Variants in RBM39 observed in about 807,000 individuals in gnomAD.
RBM39 encodes the protein RNA-binding protein 39.
In RBM39, 12 loss-of-function variants were observed where a neutral mutation model predicts 79.6. The observed-to-expected ratio is 0.15, with a 90% CI of 0.10 to 0.24. The LOEUF is 0.24. RBM39 is among the 10% of genes least tolerant of loss of function. The probability of loss-of-function intolerance (pLI) is 1.00; values close to 1 mark genes in which losing one functional copy is unlikely to be tolerated. For synonymous variants in RBM39, 185 were observed against 208.4 expected, an observed-to-expected ratio of 0.89 and a Z score of 0.97; for missense variants, 243 against 653.4, an observed-to-expected ratio of 0.37 and a Z score of 6.85.
chr20:35,731,883 G>C, intron 4 of RBM39, 58 bp downstream of exon 4: 4 of 1,423,178 alleles, frequency 2.8e-6, no homozygotes, highest in Non-Finnish European at 3.9e-6. Context: ...AAGTTAAACT[G>C]CCATCTGAAT....
intron 12 of RBM39, among the ~76,000 whole-genome samples, chr20:35,710,939 T>C (rs1170049749): frequency 3.3e-5 from 5 of 152,108 alleles, no homozygotes; most frequent in African/African-American, 1.2e-4. Flanking sequence ...TATGGAGCTT[T>C]AGGATTTTAG....
intron 3 of RBM39, chr20:35,735,089 A>G (rs2039767522): frequency 1.9e-6 from 3 of 1,545,408 alleles, no homozygotes; most frequent in Non-Finnish European, 1.7e-6. Context: ...ATTCTGGAAA[A>G]TAAGAAAAAA....
At position 35,702,958 on chromosome 20, in the gene RBM39, C is replaced by G. The variant is rs1379674860; in HGVS notation, c.*1523G>C. 6.6e-6 allele frequency: 1 copy of G among 151,940 alleles called. No homozygotes were observed. The highest frequency in any genetic ancestry group is 2.4e-5 in the African/African-American group (1 of 41,352). 9.4% of individuals were successfully genotyped at this position (151,940 alleles called of 1,614,324 possible). The stretch of plus-strand genomic sequence containing the variant: ...GGGAGTTTCCATACAAATTAAATCA[C>G]TAGAACAATTATTGGGATAAATGTC... On this transcript the variant is annotated 3_prime_UTR_variant, in exon 17 of 17. Transcript: ENST00000253363.
rs201077212 is a variant in RBM39, at chr20:35,719,790, CATG to C, written c.825+1947_825+1949del. ...ATGGTACACAGATTTCTCAAATATCCATGATTATTCTTTTTCTTTTCTTTCGGA... is the reference window on the plus strand; with the variant it reads ...ATGGTACACAGATTTCTCAAATATCCATTATTCTTTTTCTTTTCTTTCGGA... On this transcript the variant is annotated intron_variant, in intron 9 of 16. Transcript: ENST00000253363. Among the ~76,000 whole-genome samples, 2 of 152,042 alleles carry C rather than the reference CATG, an allele frequency of 1.3e-5. 1 individual carries two copies. Among genetic ancestry groups the C allele is most frequent in the East Asian group, 3.9e-4 (2 of 5,192 alleles).
At position 35,734,595 on chromosome 20, in the gene RBM39, T is replaced by C. The variant is rs184576294; in HGVS notation, c.102-2460A>G. The C allele has an allele frequency of 5.6e-3, 1,512 of 270,578 alleles. 12 individuals carry two copies. Among genetic ancestry groups the C allele is most frequent in the Middle Eastern group, 0.018 (14 of 770 alleles). The allele number at this position is 270,578 out of a possible 1,614,324, so 16.8% of individuals were successfully genotyped here. A position where few individuals can be genotyped will look rare whatever the true frequency, so the allele number is the denominator to read the frequency against. ...AGGCAACCAACCTATTTACCTCTCATAGGACCCAAAACTTATTCTGCCAAA... is the reference window on the plus strand; with the variant it reads ...AGGCAACCAACCTATTTACCTCTCACAGGACCCAAAACTTATTCTGCCAAA... On this transcript the variant is annotated intron_variant, in intron 3 of 16. Transcript: ENST00000253363.
intron 9 of RBM39, among the ~76,000 whole-genome samples, chr20:35,720,991 C>G (rs1373676128): frequency 6.6e-6 from 1 of 152,194 alleles, no homozygotes; most frequent in Non-Finnish European, 1.5e-5. Flanking sequence ...GGCTGGAGTG[C>G]AGTGGTGCCA....
chr20:35,719,093 T>G (rs937156110), intron 9 of RBM39, among the ~76,000 whole-genome samples: 1 of 152,192 alleles, frequency 6.6e-6, no homozygotes, highest in Non-Finnish European at 1.5e-5. Flanking sequence ...AAACTACATA[T>G]ACCCCATGAA....
At chr20:35,707,877 C>G (rs1276698473) in intron 13 of RBM39, 1 of 465,406 alleles carries the variant, frequency 2.1e-6, no homozygotes, top group Non-Finnish European at 4.4e-6. Context: ...TTTTCCAAGA[C>G]AGTTGCTCCA....
At chr20:35,726,963 T>C (rs1198749697) in intron 6 of RBM39, among the ~76,000 whole-genome samples, 1 of 151,898 alleles carries the variant, frequency 6.6e-6, no homozygotes, top group East Asian at 1.9e-4. Flanking sequence ...TAACTGGGAT[T>C]ACACGCACGC....
In RBM39 at chr20:35,716,725, A is replaced by C; in HGVS notation, c.891+15T>G. ...AAAAAAAACCCTAAGTAATATAATT[A>C]TGGTAATTACTTACTGTAATAAATC... On this transcript the variant is annotated intron_variant, in intron 10 of 16. Coordinates refer to ENST00000253363, the MANE Select transcript of RBM39 (RefSeq NM_184234.3). 2 of 1,485,898 alleles carry C rather than the reference A, an allele frequency of 1.3e-6. No individual in the cohort carries two copies. Among genetic ancestry groups the C allele is most frequent in the Non-Finnish European group, 1.9e-6 (2 of 1,080,304 alleles). The allele number at this position is 1,485,898 out of a possible 1,614,324, so 92.0% of individuals were successfully genotyped here. A position where few individuals can be genotyped will look rare whatever the true frequency, so the allele number is the denominator to read the frequency against.
chr20:35,722,128 C>T (rs1019214021), intron 8 of RBM39, among the ~76,000 whole-genome samples: 8 of 152,122 alleles, frequency 5.3e-5, no homozygotes, highest in African/African-American at 1.9e-4. Context: ...CAGTTTTTGG[C>T]TGGGCACGAT....
chr20:35,720,720 C>T (rs1346642709), intron 9 of RBM39, among the ~76,000 whole-genome samples: 7 of 152,012 alleles, frequency 4.6e-5, no homozygotes, highest in Non-Finnish European at 1.0e-4. Context: ...TGCAGCGAGG[C>T]GAGATTGTGC....
intron 16 of RBM39, 27 bp from the exon 17 acceptor site, chr20:35,704,608 TTTAGCA>T (rs2035494544): frequency 6.2e-7 from 1 of 1,610,088 alleles, no homozygotes; most frequent in African/African-American, 1.3e-5. Flanking sequence ...ACATGTTGGG[TTTAGCA>T]TCTTCATTAT....
At chr20:35,727,892 G>A (rs892529097) in intron 6 of RBM39, among the ~76,000 whole-genome samples, 7 of 151,800 alleles carry the variant, frequency 4.6e-5, no homozygotes, top group South Asian at 2.1e-4. Flanking sequence ...CAGGTGATCC[G>A]CCTGCCTCGG....
At chr20:35,723,245 A>G (rs1314344808) in intron 8 of RBM39, among the ~76,000 whole-genome samples, 2 of 149,876 alleles carry the variant, frequency 1.3e-5, no homozygotes, top group Admixed American at 6.6e-5. Flanking sequence ...AAAAAAAAAA[A>G]GAAAAGTTGT....
At chr20:35,717,251 G>C (rs117902955) in intron 9 of RBM39, among the ~76,000 whole-genome samples, 2,323 of 151,302 alleles carry the variant, frequency 0.015, 27 homozygotes, top group Non-Finnish European at 0.023. Context: ...CTGTACTCCA[G>C]CCTGGACAAC....
At chr20:35,732,195 C>T in intron 3 of RBM39, 60 bp from the exon 4 acceptor site, 6 of 1,394,700 alleles carry the variant, frequency 4.3e-6, no homozygotes, top group East Asian at 2.3e-5. Flanking sequence ...AAATATACTA[C>T]CTTTTATGGC....
chr20:35,711,431 T>C (rs1052331177), intron 12 of RBM39, among the ~76,000 whole-genome samples: 12 of 152,158 alleles, frequency 7.9e-5, no homozygotes, highest in African/African-American at 2.4e-4. Flanking sequence ...TCAAAATAAA[T>C]TATGTGTTAA....
chr20:35,704,599 C>T lies in RBM39; in HGVS notation c.1493-18G>A. The T allele has an allele frequency of 6.2e-7, 1 of 1,610,528 alleles. No individual in the cohort carries two copies. The highest frequency in any genetic ancestry group is 8.5e-7 in the Non-Finnish European group (1 of 1,176,912). ...CATTTTACCTATTAAAAGAAACAGA[C>T]ATGTTGGGTTTAGCATCTTCATTAT... On this transcript the variant is annotated intron_variant, in intron 16 of 16. Coordinates refer to ENST00000253363, the MANE Select transcript of RBM39 (RefSeq NM_184234.3).
Sources: gnomAD v4.1 joint callset for allele counts (sites outside exome capture counted in the v4.1 genomes callset) on GRCh38, gnomAD v4.1.1 for gene constraint, MANE v1.5 for transcripts, NCBI Gene and HGNC (gene_info 2026-07-23, HGNC 2026-07-21) for gene names.